The following PTPRN2 variants were observed in gnomAD, a reference collection of about 807,000 sequenced individuals.
PTPRN2 encodes receptor-type tyrosine-protein phosphatase N2.
A neutral mutation model predicts 118.8 loss-of-function variants in PTPRN2; 74 were observed. The observed-to-expected ratio is 0.62, with a 90% CI of 0.52 to 0.76. The LOEUF is 0.76. Among genes scored for constraint, PTPRN2 ranks in the 30% least tolerant of loss-of-function variants. PTPRN2 has a pLI of 0.00. For synonymous variants in PTPRN2, 641 were observed against 608.0 expected (o/e 1.05, Z -0.80); for missense variants, 1,481 against 1,394.4 (o/e 1.06, Z -0.99).
chr7:158,187,231 A>G (rs145524940), intron 5 of PTPRN2, among the ~76,000 whole-genome samples: 1 of 152,360 alleles, frequency 6.6e-6, no homozygotes, highest in East Asian at 1.9e-4. Flanking sequence ...AAATAAAATA[A>G]TTCTGTTATG....
rs564721224 is a variant in PTPRN2 at position 157,808,791 on chromosome 7, C to G, written c.1788+89882G>C. 4.4e-4 allele frequency among the ~76,000 whole-genome samples: 67 copies of G among 152,334 alleles called. No individual in the cohort carries two copies. In the South Asian group the frequency reaches 0.013, roughly 29 times the overall value. ...TGCCAAAAAGAGTATGGACCGCTGT[C>G]CTGGACAAACCCTGGGCCTGGAATT... On this transcript the variant is annotated intron_variant, in intron 12 of 22. Coordinates refer to ENST00000389418, the MANE Select transcript of PTPRN2 (RefSeq NM_002847.5). This position sits in a 1 kb window ranked among gnomAD's most constrained non-coding sequence, Gnocchi z 5.0.
In PTPRN2 at chr7:158,008,067, G is replaced by A. The variant is rs1184101145; in HGVS notation, c.1723+73231C>T. The stretch of plus-strand genomic sequence containing the variant: ...TGTGTGTGGAGGTGTGCTGTGTGTG[G>A]GTGTGCTGTGTGTGGGTGTGGGTGT... On this transcript the variant is annotated intron_variant, in intron 11 of 22. Coordinates refer to ENST00000389418, the MANE Select transcript of PTPRN2 (RefSeq NM_002847.5). 3.6e-5 allele frequency among the ~76,000 whole-genome samples: 5 copies of A among 138,202 alleles called. No individual in the cohort carries two copies. The South Asian group carries it at 9.1e-4, about 25-fold the overall frequency. The allele number at this position is 138,202 out of a possible 152,430, so 90.7% of individuals were successfully genotyped here.
chr7:158,327,462 T>C (rs1374941615), intron 2 of PTPRN2, among the ~76,000 whole-genome samples: 5 of 136,146 alleles, frequency 3.7e-5, no homozygotes, highest in African/African-American at 1.3e-4. Flanking sequence ...TGCTCACACA[T>C]GTACACGTTC....
intron 22 of PTPRN2, 38 bp from the exon 23 acceptor site, chr7:157,540,823 G>A (rs1236208428): frequency 1.5e-5 from 22 of 1,503,720 alleles, no homozygotes; most frequent in Admixed American, 5.9e-5. Flanking sequence ...CAATGAGAGC[G>A]GCGTCCCCCC....
chr7:158,164,351 T>C (rs1307849213), intron 6 of PTPRN2, among the ~76,000 whole-genome samples: 3 of 119,996 alleles, frequency 2.5e-5, no homozygotes, highest in African/African-American at 1.0e-4. Flanking sequence ...GAGTGGCGCG[T>C]AAGAAGGGCA....
At position 157,881,359 on chromosome 7, in the gene PTPRN2, C is replaced by T. The variant is rs1041833179; in HGVS notation, c.1788+17314G>A. Among the ~76,000 whole-genome samples, 40 of 152,256 alleles carry T rather than the reference C, an allele frequency of 2.6e-4. No homozygotes were observed. The highest frequency in any genetic ancestry group is 7.2e-4 in the African/African-American group (30 of 41,518). ...TCCTTGTAGGAAGGAGATGCAGACA[C>T]AGGTGCACACAGAGGGGTGAGGACT... On this transcript the variant is annotated intron_variant, in intron 12 of 22. Transcript: ENST00000389418. This position sits in a 1 kb window ranked among gnomAD's most constrained non-coding sequence, Gnocchi z 4.7.
chr7:158,151,032 A>G (rs937520536), intron 6 of PTPRN2, among the ~76,000 whole-genome samples: 7 of 143,084 alleles, frequency 4.9e-5, no homozygotes, highest in Admixed American at 4.9e-4. Context: ...AGGCCCTGTC[A>G]CTGTCCTGCC....
chr7:158,142,004 C>A (rs750837576), intron 6 of PTPRN2, among the ~76,000 whole-genome samples: 1 of 152,218 alleles, frequency 6.6e-6, no homozygotes, highest in Admixed American at 6.5e-5. Context: ...GACGTTGAGG[C>A]CTCTGAATTG....
At chr7:157,940,758 A>G (rs1475593575) in intron 11 of PTPRN2, among the ~76,000 whole-genome samples, 1 of 87,250 alleles carries the variant, frequency 1.1e-5, no homozygotes, top group African/African-American at 7.1e-5. Flanking sequence ...CAAATCTGAC[A>G]CCCTCCCCAC....
chr7:157,863,982 A>G (rs2151240698), intron 12 of PTPRN2: 1 of 152,366 alleles, frequency 6.6e-6, no homozygotes, highest in Non-Finnish European at 1.5e-5. Flanking sequence ...GCCTGAGCAG[A>G]CAGTACAGGC....
chr7:157,760,148 C>G (rs1802043697), intron 12 of PTPRN2, among the ~76,000 whole-genome samples: 1 of 152,198 alleles, frequency 6.6e-6, no homozygotes. Flanking sequence ...GCCCCCACAT[C>G]ACCCACTGAA....
At chr7:158,216,467 A>T (rs1187860089) in intron 3 of PTPRN2, among the ~76,000 whole-genome samples, 1 of 152,144 alleles carries the variant, frequency 6.6e-6, no homozygotes, top group Non-Finnish European at 1.5e-5. Flanking sequence ...CACTATATGA[A>T]GCTCACTTTG....
chr7:158,489,822 G>T lies in PTPRN2; in HGVS notation c.113-37C>A, dbSNP rs201586123. 87 of 1,542,040 alleles carry T rather than the reference G, an allele frequency of 5.6e-5. 1 individual carries two copies. The East Asian group carries it at 1.7e-3, about 31-fold the overall frequency. On this transcript the variant is annotated intron_variant, in intron 1 of 22. Coordinates refer to ENST00000389418, the MANE Select transcript of PTPRN2 (RefSeq NM_002847.5). Reference sequence around the variant, plus strand: ...CAGAGAAGAGACGCGGTCAGCTGGAGGGGAGGAGGGGGGTGCCCCCGAGGC... The same window carrying T: ...CAGAGAAGAGACGCGGTCAGCTGGATGGGAGGAGGGGGGTGCCCCCGAGGC...
rs1392612291 is a variant in PTPRN2, at chr7:157,585,827, T to C, written c.2497-7687A>G. 2.0e-5 allele frequency among the ~76,000 whole-genome samples: 3 copies of C among 152,176 alleles called. No homozygotes were observed. Among genetic ancestry groups the C allele is most frequent in the Non-Finnish European group, 4.4e-5 (3 of 68,026 alleles). ...CACACAGGAGCAGCAGAGCCTGCTG[T>C]TCTCAGCTGGAGCAGTAAGAATCAG... is the stretch of plus-strand genomic sequence containing the variant. On this transcript the variant is annotated intron_variant, in intron 17 of 22. Coordinates refer to ENST00000389418, the MANE Select transcript of PTPRN2 (RefSeq NM_002847.5). This position sits in a 1 kb window ranked among gnomAD's most constrained non-coding sequence, Gnocchi z 5.2.
chr7:158,001,685 A>G (rs1585179535), intron 11 of PTPRN2, among the ~76,000 whole-genome samples: 1 of 152,078 alleles, frequency 6.6e-6, no homozygotes, highest in East Asian at 1.9e-4. Flanking sequence ...CATGATGCCA[A>G]CTCCCAATCC....
chr7:158,303,168 C>CA (rs542953447), intron 3 of PTPRN2, among the ~76,000 whole-genome samples: 2,796 of 119,750 alleles, frequency 0.023, 53 homozygotes, highest in African/African-American at 0.055. Context: ...ACTAACCCAC[C>CA]AAAAAAAAAA....
chr7:157,808,131 C>T lies in PTPRN2; in HGVS notation c.1788+90542G>A, dbSNP rs577999096. Among the ~76,000 whole-genome samples, 1 of 151,102 alleles carries T rather than the reference C, an allele frequency of 6.6e-6. No individual in the cohort carries two copies. The highest frequency in any genetic ancestry group is 2.1e-4 in the South Asian group (1 of 4,832). ...GCATCCCCAGCCTCTGGGCCACGGA[C>T]TGACACCAGTCTGTGGCCTGTTAGG... On this transcript the variant is annotated intron_variant, in intron 12 of 22. Coordinates refer to ENST00000389418, the MANE Select transcript of PTPRN2 (RefSeq NM_002847.5). The surrounding 1 kb of genome is among the most constrained non-coding windows in gnomAD (Gnocchi z 5.0).
chr7:157,842,704 C>T (rs1237420800), intron 12 of PTPRN2, among the ~76,000 whole-genome samples: 1 of 152,160 alleles, frequency 6.6e-6, no homozygotes, highest in Non-Finnish European at 1.5e-5. Flanking sequence ...CATCTGGCCT[C>T]ACAAGGGCAC....
chr7:158,407,214 CGTCCT>C (rs1813587332), intron 2 of PTPRN2, among the ~76,000 whole-genome samples: 10 of 22,886 alleles, frequency 4.4e-4, no homozygotes, highest in Non-Finnish European at 6.8e-4. Flanking sequence ...CTGGGTCCTG[CGTCCT>C]GCGTCCTGGG....
Sources: gnomAD v4.1 joint callset for allele counts (sites outside exome capture counted in the v4.1 genomes callset) on GRCh38, gnomAD v4.1.1 for gene constraint, Gnocchi (gnomAD v3.1) non-coding constraint, MANE v1.5 for transcripts, NCBI Gene and HGNC (gene_info 2026-07-23, HGNC 2026-07-21) for gene names.